PPHLN1: variants seen among roughly 807,000 people sequenced by gnomAD.
The protein encoded by PPHLN1 is periphilin 1.
PPHLN1 carries 29 observed loss-of-function variants against 51.3 expected under a neutral mutation model. The observed-to-expected ratio is 0.57, with a 90% CI of 0.42 to 0.77. The LOEUF is 0.77. Ranked by LOEUF, PPHLN1 falls within the 30% of genes least tolerant of loss-of-function variation. PPHLN1 has a pLI of 0.00. For synonymous variants in PPHLN1, 147 were observed against 147.8 expected (o/e 0.99, Z 0.04); for missense variants, 436 against 438.4 (o/e 0.99, Z 0.05).
At chr12:42,351,641 T>C (rs1309256021) in intron 2 of PPHLN1, among the ~76,000 whole-genome samples, 4 of 152,266 alleles carry the variant, frequency 2.6e-5, no homozygotes, top group South Asian at 2.1e-4. Context: ...CTTTTACTTA[T>C]GATTGGTTTT....
intron 1 of PPHLN1, among the ~76,000 whole-genome samples, chr12:42,335,114 C>T (rs918850253): frequency 5.3e-5 from 8 of 152,158 alleles, no homozygotes; most frequent in African/African-American, 1.9e-4. Context: ...TGTTCAGTTT[C>T]TATTTTCATC....
chr12:42,375,678 TTTTTA>T lies in PPHLN1; in HGVS notation c.511+619_511+623del, dbSNP rs903067064. Among the ~76,000 whole-genome samples the T allele has an allele frequency of 5.9e-5, 9 of 152,230 alleles. No homozygotes were observed. In the East Asian group the frequency reaches 1.2e-3, roughly 20 times the overall value. On this transcript the variant is annotated intron_variant, in intron 5 of 9. Transcript: ENST00000358314. ...AACCCCCAATTTTATTTTATTTTTA[TTTTTA>T]TTTTATTTTATTTTTATGTTTAATT... is the stretch of plus-strand genomic sequence containing the variant.
chr12:42,397,475 C>T (rs895331319), intron 8 of PPHLN1, among the ~76,000 whole-genome samples: 1 of 151,974 alleles, frequency 6.6e-6, no homozygotes, highest in Admixed American at 6.5e-5. Flanking sequence ...CCCTTTTTCA[C>T]TTGCTTTTTG....
intron 8 of PPHLN1, chr12:42,398,625 C>G (rs1456343293): frequency 1.4e-5 from 5 of 348,164 alleles, no homozygotes; most frequent in Non-Finnish European, 2.6e-5. Flanking sequence ...GGATGGCACG[C>G]AAATTCATGA....
At position 42,393,603 on chromosome 12, in the gene PPHLN1, G is replaced by GT; in HGVS notation, c.682_683insT (p.Glu228ValfsTer4). 1 of 1,609,922 alleles carries GT rather than the reference G, an allele frequency of 6.2e-7. No homozygotes were observed. Among genetic ancestry groups the GT allele is most frequent in the Non-Finnish European group, 8.5e-7 (1 of 1,178,392 alleles). Reference sequence around the variant, plus strand: ...CAAACCCAGTAGGCTAACTGAAAAGGAACTTGCTGAGGCTGCAAGCAAGTG... The same window carrying GT: ...CAAACCCAGTAGGCTAACTGAAAAGGTAACTTGCTGAGGCTGCAAGCAAGTG... On this transcript the variant is annotated frameshift_variant, in exon 8 of 10. Coordinates refer to ENST00000358314, the MANE Select transcript of PPHLN1 (RefSeq NM_201439.2). LOFTEE classifies it high-confidence loss of function.
chr12:42,420,980 A>G (rs556449725), intron 9 of PPHLN1, among the ~76,000 whole-genome samples: 2 of 152,192 alleles, frequency 1.3e-5, no homozygotes, highest in South Asian at 2.1e-4. Context: ...GGTTTTAATT[A>G]TAATCTTAAC....
At chr12:42,351,605 A>G (rs2073369923) in intron 2 of PPHLN1, 1 of 205,572 alleles carries the variant, frequency 4.9e-6, no homozygotes, top group Admixed American at 6.1e-5. Context: ...TTTATTTTTT[A>G]CTAAAATGAT....
In PPHLN1 at chr12:42,332,731, A is replaced by G. The variant is rs73285662; in HGVS notation, c.-20-3152A>G. The G allele has an allele frequency of 4.0e-3, 5,269 of 1,333,184 alleles. 173 individuals are homozygous for G. In the African/African-American group the frequency reaches 0.07, roughly 18 times the overall value. The allele number at this position is 1,333,184 out of a possible 1,614,324, so 82.6% of individuals were successfully genotyped here. A position where few individuals can be genotyped will look rare whatever the true frequency, so the allele number is the denominator to read the frequency against. On this transcript the variant is annotated intron_variant, in intron 1 of 9. Transcript: ENST00000358314. ...AGTATAGTATAGTAGTATTTAATAT[A>G]GTAGTTATTGTTACATTTTTTGTGG...
chr12:42,351,567 TAG>T (rs1334229464), intron 2 of PPHLN1: 2 of 170,692 alleles, frequency 1.2e-5, no homozygotes, highest in Non-Finnish European at 2.5e-5. Context: ...CAATTAGGGA[TAG>T]AGCTACTGTA....
chr12:42,355,225 A>T lies in PPHLN1; in HGVS notation c.299+3A>T, dbSNP rs2073893526. On this transcript the variant is annotated splice_donor_region_variant and intron_variant, in intron 4 of 9. Transcript: ENST00000358314. ...GCAAGCAGGCAACCTGAATACAGGT[A>T]AAAGGATAAAAATAATAGCATAAGT... is the stretch of plus-strand genomic sequence containing the variant. The T allele has an allele frequency of 6.2e-7, 1 of 1,610,084 alleles. No homozygotes were observed. The highest frequency in any genetic ancestry group is 8.5e-7 in the Non-Finnish European group (1 of 1,176,706).
At chr12:42,366,957 G>GT (rs962455847) in intron 4 of PPHLN1, among the ~76,000 whole-genome samples, 1 of 151,930 alleles carries the variant, frequency 6.6e-6, no homozygotes, top group African/African-American at 2.4e-5. Context: ...TCATGAACAA[G>GT]TTTTTTTTCT....
chr12:42,385,531 A>AT (rs2077122825), intron 6 of PPHLN1, among the ~76,000 whole-genome samples: 1 of 152,212 alleles, frequency 6.6e-6, no homozygotes, highest in Non-Finnish European at 1.5e-5. Flanking sequence ...ATATGTTTGT[A>AT]AAGGAAACAC....
At chr12:42,373,785 A>C (rs1291633072) in intron 4 of PPHLN1, among the ~76,000 whole-genome samples, 4 of 152,200 alleles carry the variant, frequency 2.6e-5, no homozygotes, top group African/African-American at 9.7e-5. Flanking sequence ...CTCAATAAAG[A>C]AATTTAATTT....
chr12:42,447,777 A>G (rs1290433303), downstream of PPHLN1: 1 of 152,374 alleles, frequency 6.6e-6, no homozygotes, highest in East Asian at 1.9e-4. Context: ...AGCAGTATGC[A>G]TAATTTTAAC....
At chr12:42,347,391 A>G (rs991655250) in intron 2 of PPHLN1, among the ~76,000 whole-genome samples, 2 of 152,218 alleles carry the variant, frequency 1.3e-5, no homozygotes, top group Non-Finnish European at 2.9e-5. Context: ...TTTACAGCTT[A>G]ATGTAAGATT....
At chr12:42,385,917 C>A (rs2077154920) in intron 6 of PPHLN1, among the ~76,000 whole-genome samples, 1 of 152,134 alleles carries the variant, frequency 6.6e-6, no homozygotes, top group African/African-American at 2.4e-5. Flanking sequence ...TTGCCACATG[C>A]AATGGAAATA....
chr12:42,334,633 A>G (rs1377177349), intron 1 of PPHLN1, among the ~76,000 whole-genome samples: 1 of 152,136 alleles, frequency 6.6e-6, no homozygotes, highest in Non-Finnish European at 1.5e-5. Context: ...CTTTTTTGAA[A>G]TGTGTTTCTT....
At chr12:42,366,697 A>G (rs1045641087) in intron 4 of PPHLN1, among the ~76,000 whole-genome samples, 6 of 152,064 alleles carry the variant, frequency 3.9e-5, no homozygotes, top group African/African-American at 1.4e-4. Context: ...GTGAGTTGGC[A>G]TTTTAAACAC....
At chr12:42,381,948 G>C (rs2076791864) in intron 5 of PPHLN1, among the ~76,000 whole-genome samples, 1 of 152,156 alleles carries the variant, frequency 6.6e-6, no homozygotes, top group Non-Finnish European at 1.5e-5. Flanking sequence ...CTAAGAATCT[G>C]ATAGTTTGCA....
Sources: gnomAD v4.1 joint callset for allele counts (sites outside exome capture counted in the v4.1 genomes callset) on GRCh38, gnomAD v4.1.1 for gene constraint, MANE v1.5 for transcripts, NCBI Gene and HGNC (gene_info 2026-07-23, HGNC 2026-07-21) for gene names.